The following PROM1 variants were observed in gnomAD, a reference collection of about 807,000 sequenced individuals.
The protein encoded by PROM1 is prominin-1.
PROM1 carries 105 observed loss-of-function variants against 116.9 expected under a neutral mutation model. That is an observed-to-expected ratio of 0.90 (90% confidence interval 0.77 to 1.06). The LOEUF (loss-of-function observed/expected upper bound fraction) is 1.06. PROM1 is among the 50% of genes least tolerant of loss of function. The probability of loss-of-function intolerance (pLI) is 0.00; values close to 1 mark genes in which losing one functional copy is unlikely to be tolerated. For synonymous variants in PROM1, 393 were observed against 387.0 expected (o/e 1.02, Z -0.18); for missense variants, 1,122 against 1,045.2 (o/e 1.07, Z -1.01).
chr4:16,023,470 C>T, intron 7 of PROM1, 55 bp from the exon 8 acceptor site: 2 of 1,361,674 alleles, frequency 1.5e-6, no homozygotes, highest in East Asian at 2.5e-5. Flanking sequence ...ATCTCTCCAC[C>T]CCTCCCTCAT....
chr4:16,025,404 G>A (rs1731000672), intron 5 of PROM1, 92 bp from the exon 6 acceptor site: 1 of 1,493,312 alleles, frequency 6.7e-7, no homozygotes, highest in Non-Finnish European at 9.1e-7. Flanking sequence ...AGTCAGGGAG[G>A]AGCCCGCAGA....
At chr4:16,048,403 G>T (rs754965218) in intron 2 of PROM1, among the ~76,000 whole-genome samples, 1 of 152,120 alleles carries the variant, frequency 6.6e-6, no homozygotes, top group Non-Finnish European at 1.5e-5. Flanking sequence ...GAGCACTTTC[G>T]TTAAACCCTT....
intron 21 of PROM1, 58 bp from the exon 22 acceptor site, chr4:15,985,886 T>TTTAAG (rs6148316): frequency 0.96 from 702,202 of 732,578 alleles, 340,798 homozygotes; most frequent in Non-Finnish European, 1. Flanking sequence ...TACTTAAACA[T>TTTAAG]TATAAATATT....
chr4:15,973,103 C>G (rs1051243351), intron 26 of PROM1, among the ~76,000 whole-genome samples: 1 of 152,304 alleles, frequency 6.6e-6, no homozygotes, highest in African/African-American at 2.4e-5. Flanking sequence ...TAGCATTCCC[C>G]GGGATCCACC....
chr4:16,017,471 T>C (rs565102054), intron 9 of PROM1, among the ~76,000 whole-genome samples: 2 of 152,278 alleles, frequency 1.3e-5, no homozygotes, highest in Admixed American at 6.5e-5. Context: ...TGAAAAACAA[T>C]GGAATGAAAT....
At chr4:16,033,543 T>C (rs763352901) in intron 4 of PROM1, 34 bp from the exon 5 acceptor site, 2 of 1,365,236 alleles carry the variant, frequency 1.5e-6, no homozygotes, top group Non-Finnish European at 2.0e-6. Flanking sequence ...GCACATATTG[T>C]AGCACAAAAT....
intron 2 of PROM1, among the ~76,000 whole-genome samples, chr4:16,059,851 C>T (rs1036970493): frequency 4.6e-5 from 7 of 151,664 alleles, no homozygotes; most frequent in Admixed American, 2.6e-4. Flanking sequence ...AATAAACTAC[C>T]TCACAGCAAT....
chr4:16,047,076 G>C (rs1736717350), intron 2 of PROM1, among the ~76,000 whole-genome samples: 1 of 152,202 alleles, frequency 6.6e-6, no homozygotes, highest in Admixed American at 6.5e-5. Flanking sequence ...AGGCTGGCAG[G>C]CTATAAACTC....
In PROM1 at chr4:15,992,451, T is replaced by C. The variant is rs1382055512; in HGVS notation, c.1768-60A>G. ...TTCTCCAAGAATGTCACAAACCAAA[T>C]GCTTTAAAAGAGCAATAAAAGCTGG... On this transcript the variant is annotated intron_variant, in intron 16 of 27. Transcript: ENST00000447510. The C allele has an allele frequency of 1.9e-6, 3 of 1,571,228 alleles. No homozygotes were observed. In the African/African-American group the frequency reaches 4.1e-5, roughly 21 times the overall value.
At chr4:16,019,868 A>AT (rs1729371769) in intron 8 of PROM1, among the ~76,000 whole-genome samples, 1 of 80,958 alleles carries the variant, frequency 1.2e-5, no homozygotes, top group Non-Finnish European at 2.5e-5. Context: ...TGAGTGTTAA[A>AT]AATACACACA....
intron 2 of PROM1, among the ~76,000 whole-genome samples, chr4:16,062,016 G>A (rs1402409445): frequency 2.7e-5 from 4 of 150,636 alleles, no homozygotes; most frequent in African/African-American, 7.3e-5. Flanking sequence ...CTCAGCCCCC[G>A]GAGTAGCTGG....
rs189953160 is a variant in PROM1 at position 16,008,938 on chromosome 4, G to T, written c.1301+11C>A. ...ACTCTCGTAGTTCACCAGCTCCAAG[G>T]AGACACTCACCAGTATGAATCATAC... is the stretch of plus-strand genomic sequence containing the variant. On this transcript the variant is annotated intron_variant, in intron 12 of 27. Transcript: ENST00000447510. 1.3e-5 allele frequency: 21 copies of T among 1,567,642 alleles called. No individual in the cohort carries two copies. The East Asian group carries it at 4.5e-4, about 33-fold the overall frequency.
At chr4:16,004,856 CCTTCCTCTCTCTCTCCCTCT>C (rs920030343) in intron 13 of PROM1, among the ~76,000 whole-genome samples, 16 of 137,410 alleles carry the variant, frequency 1.2e-4, no homozygotes, top group Non-Finnish European at 2.4e-4. Flanking sequence ...TTCCTTCCTT[CCTTCCTCTCTCTCTCCCTCT>C]CTCTCTCTCT....
chr4:16,001,622 C>T (rs1723871645), intron 13 of PROM1, among the ~76,000 whole-genome samples: 1 of 152,144 alleles, frequency 6.6e-6, no homozygotes, highest in Non-Finnish European at 1.5e-5. Flanking sequence ...GGTCGGCTGT[C>T]ACCAACCAAT....
At chr4:16,015,209 G>A (rs1385001046) in intron 10 of PROM1, among the ~76,000 whole-genome samples, 1 of 151,706 alleles carries the variant, frequency 6.6e-6, no homozygotes, top group African/African-American at 2.4e-5. Flanking sequence ...AGCAGGGTGT[G>A]GTGGCGTGTG....
chr4:16,003,429 T>A (rs961425712), intron 13 of PROM1: 57 of 456,556 alleles, frequency 1.2e-4, no homozygotes, highest in Non-Finnish European at 2.3e-4. Flanking sequence ...CCTGACAAAC[T>A]GCTTTCCATA....
chr4:16,065,566 G>A (rs953964948), intron 2 of PROM1, among the ~76,000 whole-genome samples: 3 of 152,176 alleles, frequency 2.0e-5, no homozygotes, highest in Admixed American at 6.5e-5. Context: ...CTTTTTGAGA[G>A]CAAGGGAACC....
At chr4:16,078,820 A>T (rs567771445) in intron 1 of PROM1, among the ~76,000 whole-genome samples, 9 of 152,308 alleles carry the variant, frequency 5.9e-5, no homozygotes, top group Middle Eastern at 6.8e-3. Context: ...GTTAATTCAT[A>T]TCTAATCCCT....
chr4:16,081,713 T>G (rs2149618395), intron 1 of PROM1, among the ~76,000 whole-genome samples: 1 of 152,340 alleles, frequency 6.6e-6, no homozygotes, highest in East Asian at 1.9e-4. Context: ...CTGAAAAACC[T>G]ATTTCCTTTA....
Sources: gnomAD v4.1 joint callset for allele counts (sites outside exome capture counted in the v4.1 genomes callset) on GRCh38, gnomAD v4.1.1 for gene constraint, MANE v1.5 for transcripts, NCBI Gene and HGNC (gene_info 2026-07-23, HGNC 2026-07-21) for gene names.